HMGA2: variants seen among roughly 807,000 people sequenced by gnomAD.
HMGA2 encodes the protein high mobility group protein HMGI-C.
A neutral mutation model predicts 19.1 loss-of-function variants in HMGA2; 8 were observed. The ratio of observed to expected loss-of-function variants is 0.42; its 90% CI spans 0.25 to 0.76. The LOEUF (loss-of-function observed/expected upper bound fraction) is 0.76. Ranked by LOEUF, HMGA2 falls within the 30% of genes least tolerant of loss-of-function variation. The pLI is 0.28. For missense variants in HMGA2, 109 were observed against 136.3 expected (o/e 0.80, Z 1.00); for synonymous variants, 60 against 48.8 (o/e 1.23, Z -0.96).
Position 65,963,563 on chromosome 12 carries a change from T to A in HMGA2, c.*271T>A. On this transcript the variant is annotated 3_prime_UTR_variant, in exon 5 of 5. Coordinates refer to ENST00000403681, the MANE Select transcript of HMGA2 (RefSeq NM_003483.6). Reference sequence around the variant, plus strand: ...AGGGGACACAGCTTAACAATGCAACTTTTAATTACTGTTTTCTTTTTTCTT... The same window carrying A: ...AGGGGACACAGCTTAACAATGCAACATTTAATTACTGTTTTCTTTTTTCTT... The A allele has an allele frequency of 2.0e-6, 1 of 488,270 alleles. No homozygotes were observed. 30.2% of individuals were successfully genotyped at this position (488,270 alleles called of 1,614,324 possible). A position where few individuals can be genotyped will look rare whatever the true frequency, so the allele number is the denominator to read the frequency against.
At chr12:65,883,052 A>T (rs1873500932) in intron 3 of HMGA2, among the ~76,000 whole-genome samples, 3 of 152,110 alleles carry the variant, frequency 2.0e-5, no homozygotes, top group Admixed American at 2.0e-4. Context: ...AGATTTCCTG[A>T]CTCTTTGTTT....
At chr12:65,915,187 G>C (rs1439389399) in intron 3 of HMGA2, 2 of 1,609,244 alleles carry the variant, frequency 1.2e-6, no homozygotes, top group Non-Finnish European at 1.7e-6. Flanking sequence ...TTGAGGAATT[G>C]TCCATTACAT....
chr12:65,908,733 G>T (rs990559324), intron 3 of HMGA2, among the ~76,000 whole-genome samples: 3 of 152,152 alleles, frequency 2.0e-5, no homozygotes, highest in Admixed American at 6.5e-5. Flanking sequence ...TGTAATTTTA[G>T]TAAGAACGTT....
Position 65,838,578 on chromosome 12 carries a change from T to C in HMGA2, c.249+9T>C. 1 of 1,593,134 alleles carries C rather than the reference T, an allele frequency of 6.3e-7. No individual in the cohort carries two copies. Among genetic ancestry groups the C allele is most frequent in the African/African-American group, 1.3e-5 (1 of 74,232 alleles). On this transcript the variant is annotated intron_variant, in intron 3 of 4. Coordinates refer to ENST00000403681, the MANE Select transcript of HMGA2 (RefSeq NM_003483.6). ...GCAGACCTAGGAAATGGGTGAGTAA[T>C]AAGATATAATTTTTCTTCTTTTTTT...
intron 3 of HMGA2, chr12:65,859,919 A>T (rs1229087117): frequency 2.9e-5 from 4 of 138,630 alleles, no homozygotes; most frequent in Non-Finnish European, 6.3e-5. Context: ...CCCCATCTCT[A>T]AAAAAAAAAA....
chr12:65,888,227 G>A (rs982811168), intron 3 of HMGA2, among the ~76,000 whole-genome samples: 1 of 151,926 alleles, frequency 6.6e-6, no homozygotes, highest in African/African-American at 2.4e-5. Context: ...AGGCCGAGGC[G>A]GGTGGATCAC....
At chr12:65,861,846 C>CT (rs1346372420) in intron 3 of HMGA2, among the ~76,000 whole-genome samples, 3,593 of 134,072 alleles carry the variant, frequency 0.027, 110 homozygotes, top group African/African-American at 0.074. Flanking sequence ...CAACATGTTT[C>CT]TTTTTTTTTT....
rs149605702 is a variant in HMGA2, at chr12:65,907,769, C to T, written c.250-43614C>T. Among the ~76,000 whole-genome samples, 458 of 152,116 alleles carry T rather than the reference C, an allele frequency of 3.0e-3. 2 individuals carry two copies. The highest frequency in any genetic ancestry group is 0.01 in the African/African-American group (416 of 41,498). The stretch of plus-strand genomic sequence containing the variant: ...TTCTAGGTAACAATCCTGTTGTGGC[C>T]GCATGGTTCTGGGAAGTGGTAGACA... On this transcript the variant is annotated intron_variant, in intron 3 of 4. Transcript: ENST00000403681.
chr12:65,939,440 C>T (rs532440373), intron 3 of HMGA2, among the ~76,000 whole-genome samples: 1 of 152,172 alleles, frequency 6.6e-6, no homozygotes, highest in Admixed American at 6.5e-5. Flanking sequence ...ACTGCAACCT[C>T]CACTTCCCAG....
At chr12:65,953,133 T>G (rs918381829) in intron 4 of HMGA2, 1 of 152,244 alleles carries the variant, frequency 6.6e-6, no homozygotes, top group African/African-American at 2.4e-5. Flanking sequence ...CTCCCCAGCA[T>G]GGCCCCACCC....
intron 3 of HMGA2, among the ~76,000 whole-genome samples, chr12:65,923,151 G>GC (rs1330402542): frequency 3.3e-5 from 5 of 152,008 alleles, no homozygotes; most frequent in African/African-American, 1.2e-4. Flanking sequence ...CAATTGTTGT[G>GC]CCCCAAAGAA....
intron 3 of HMGA2, among the ~76,000 whole-genome samples, chr12:65,875,833 TTC>T (rs1237368842): frequency 6.6e-6 from 1 of 151,954 alleles, no homozygotes; most frequent in Non-Finnish European, 1.5e-5. Context: ...GTGGATGTTT[TTC>T]TTTTTTTATT....
At chr12:65,923,728 C>T (rs896599166) in intron 3 of HMGA2, among the ~76,000 whole-genome samples, 5 of 152,104 alleles carry the variant, frequency 3.3e-5, no homozygotes, top group South Asian at 2.1e-4. Flanking sequence ...AAGTCATTCT[C>T]GCCGGGTGCG....
chr12:65,846,546 G>C (rs745701305), intron 3 of HMGA2, among the ~76,000 whole-genome samples: 1 of 152,182 alleles, frequency 6.6e-6, no homozygotes, highest in East Asian at 1.9e-4. Flanking sequence ...AATGCACCTC[G>C]AGTGCCTGTT....
intron 3 of HMGA2, among the ~76,000 whole-genome samples, chr12:65,845,320 G>T (rs1871187728): frequency 6.6e-6 from 1 of 152,300 alleles, no homozygotes; most frequent in East Asian, 1.9e-4. Context: ...CCAGGTTGGA[G>T]TGCAGTGGCA....
intron 3 of HMGA2, among the ~76,000 whole-genome samples, chr12:65,897,956 C>T (rs1448641207): frequency 1.4e-5 from 2 of 146,938 alleles, no homozygotes; most frequent in African/African-American, 5.2e-5. Context: ...AAGAGCAAAA[C>T]TCCATCTCAA....
At chr12:65,892,059 G>C (rs750383237) in intron 3 of HMGA2, among the ~76,000 whole-genome samples, 12 of 152,158 alleles carry the variant, frequency 7.9e-5, no homozygotes, top group Non-Finnish European at 1.3e-4. Context: ...AATCTGGACC[G>C]GAGTGCTCTG....
chr12:65,876,216 C>T (rs1459406974), intron 3 of HMGA2, among the ~76,000 whole-genome samples: 1 of 147,434 alleles, frequency 6.8e-6, no homozygotes, highest in Admixed American at 6.7e-5. Flanking sequence ...GTATTTAAGG[C>T]CTGTTTTTTC....
intron 2 of HMGA2, among the ~76,000 whole-genome samples, chr12:65,835,353 C>T (rs936516487): frequency 1.3e-5 from 2 of 152,076 alleles, no homozygotes; most frequent in African/African-American, 4.8e-5. Context: ...GTTTTGCAGC[C>T]TTTGTGGAGT....
Sources: gnomAD v4.1 joint callset for allele counts (sites outside exome capture counted in the v4.1 genomes callset) on GRCh38, gnomAD v4.1.1 for gene constraint, MANE v1.5 for transcripts, NCBI Gene and HGNC (gene_info 2026-07-23, HGNC 2026-07-21) for gene names.